ANK3: variants seen among roughly 807,000 people sequenced by gnomAD.
ANK3 encodes ankyrin-3.
In ANK3, 57 loss-of-function variants were observed where a neutral mutation model predicts 370.9. The observed-to-expected ratio is 0.15, with a 90% confidence interval of 0.12 to 0.19. ANK3 has a LOEUF of 0.19. Among genes scored for constraint, ANK3 ranks in the 10% least tolerant of loss-of-function variants. ANK3 has a pLI of 1.00. For missense variants in ANK3, 4,439 were observed against 5,302.1 expected (o/e 0.84, Z 5.06); for synonymous variants, 1,929 against 1,946.3 (o/e 0.99, Z 0.23).
chr10:60,392,183 T>C (rs2063125618), upstream of ANK3, among the ~76,000 whole-genome samples: 1 of 152,182 alleles, frequency 6.6e-6, no homozygotes, highest in African/African-American at 2.4e-5. Flanking sequence ...TGACTCAAGA[T>C]AGCCACAAAT....
chr10:60,455,371 T>C (rs2064720137), intron 2 of ANK3, among the ~76,000 whole-genome samples: 1 of 152,176 alleles, frequency 6.6e-6, no homozygotes, highest in African/African-American at 2.4e-5. Context: ...CACCCTCTTA[T>C]GTCAAGATAT....
At chr10:60,085,396 A>T (rs7084246) in intron 30 of ANK3, 143 bp from the exon 31 acceptor site, 30,989 of 492,268 alleles carry the variant, frequency 0.063, 1,532 homozygotes, top group African/African-American at 0.18. Context: ...TACTAAAGGT[A>T]GTTTTCCTCT....
At chr10:60,380,227 T>C (rs1314663512) in intron 1 of ANK3, among the ~76,000 whole-genome samples, 1 of 152,208 alleles carries the variant, frequency 6.6e-6, no homozygotes, top group Non-Finnish European at 1.5e-5. Context: ...CATCCCGTTC[T>C]GTAATGTTCT....
chr10:60,260,457 T>C (rs78486951), intron 7 of ANK3, among the ~76,000 whole-genome samples: 1,918 of 152,286 alleles, frequency 0.013, 47 homozygotes, highest in African/African-American at 0.044. Context: ...TCATTTCTCT[T>C]CTAAGAAGTG....
intron 1 of ANK3, among the ~76,000 whole-genome samples, chr10:60,721,146 G>T (rs1173404985): frequency 6.6e-6 from 1 of 152,216 alleles, no homozygotes; most frequent in Non-Finnish European, 1.5e-5. Context: ...TAAGCTGTGT[G>T]AAATGCCATG....
chr10:60,608,518 T>A (rs533787536), intron 2 of ANK3, among the ~76,000 whole-genome samples: 1 of 152,180 alleles, frequency 6.6e-6, no homozygotes, highest in African/African-American at 2.4e-5. Context: ...ACAGTATTTA[T>A]CATGTCAAAG....
chr10:60,565,254 C>T (rs1046785053), intron 2 of ANK3, among the ~76,000 whole-genome samples: 3 of 152,182 alleles, frequency 2.0e-5, no homozygotes, highest in African/African-American at 7.2e-5. Flanking sequence ...TGCCTCAGAT[C>T]ATCAGGCATT....
At chr10:60,356,521 G>C (rs1013953280) in intron 1 of ANK3, among the ~76,000 whole-genome samples, 5 of 152,128 alleles carry the variant, frequency 3.3e-5, no homozygotes, top group Admixed American at 6.6e-5. Context: ...AAAAATCCCT[G>C]TCTATCCAAC....
intron 2 of ANK3, among the ~76,000 whole-genome samples, chr10:60,455,300 AC>A (rs1215269217): frequency 6.6e-6 from 1 of 152,180 alleles, no homozygotes; most frequent in Non-Finnish European, 1.5e-5. Context: ...TTTGCAGAAT[AC>A]TGAAACATTC....
At chr10:60,656,673 C>T (rs1423761746) in intron 1 of ANK3, among the ~76,000 whole-genome samples, 1 of 152,168 alleles carries the variant, frequency 6.6e-6, no homozygotes, top group Non-Finnish European at 1.5e-5. Flanking sequence ...TCTGTAAGCA[C>T]TGCTTCAGCT....
intron 1 of ANK3, among the ~76,000 whole-genome samples, chr10:60,385,389 C>A (rs1038987383): frequency 4.0e-5 from 6 of 151,888 alleles, no homozygotes; most frequent in Admixed American, 3.9e-4. Flanking sequence ...TTTCTGTGGG[C>A]TCCTGGGGCT....
chr10:60,496,724 T>C (rs565652119), intron 2 of ANK3, among the ~76,000 whole-genome samples: 2 of 128,566 alleles, frequency 1.6e-5, no homozygotes, highest in South Asian at 5.9e-4. Flanking sequence ...TGCATAACTT[T>C]TTGAGACCGA....
intron 8 of ANK3, among the ~76,000 whole-genome samples, chr10:60,224,968 T>G (rs1287950349): frequency 2.0e-5 from 3 of 151,584 alleles, no homozygotes; most frequent in African/African-American, 4.8e-5. Context: ...GGCTGGAGTG[T>G]AATGGCACAA....
rs543312607 is a variant in ANK3 at position 60,314,253 on chromosome 10, C to T, written c.115-34614G>A. Among the ~76,000 whole-genome samples the T allele has an allele frequency of 9.1e-4, 138 of 152,286 alleles. 1 individual carries two copies. The highest frequency in any genetic ancestry group is 2.9e-3 in the African/African-American group (120 of 41,562). Reference sequence around the variant, plus strand: ...TAATGCTAATGCTATTAACTGAACACGGACAATATATTCCAGGCACTGCAC... The same window carrying T: ...TAATGCTAATGCTATTAACTGAACATGGACAATATATTCCAGGCACTGCAC... On this transcript the variant is annotated intron_variant, in intron 1 of 43. Coordinates refer to ENST00000280772, the MANE Select transcript of ANK3 (RefSeq NM_020987.5).
intron 1 of ANK3, among the ~76,000 whole-genome samples, chr10:60,719,905 CT>C (rs2079840105): frequency 1.3e-5 from 2 of 152,270 alleles, no homozygotes; most frequent in South Asian, 4.1e-4. Flanking sequence ...TCACTGGAAT[CT>C]TCATAGACTT....
At chr10:60,574,542 C>T (rs1442549) in intron 2 of ANK3, among the ~76,000 whole-genome samples, 103,411 of 151,910 alleles carry the variant, frequency 0.68, 35,846 homozygotes, top group South Asian at 0.88. Flanking sequence ...ATATAAAAGG[C>T]AGAACATCTC....
At chr10:60,416,640 T>C (rs906375536) in intron 2 of ANK3, among the ~76,000 whole-genome samples, 2 of 152,206 alleles carry the variant, frequency 1.3e-5, no homozygotes, top group East Asian at 1.9e-4. Flanking sequence ...ATAGAAGCCA[T>C]CTAAGGCTAT....
At chr10:60,296,914 A>C (rs1256878322) in intron 1 of ANK3, among the ~76,000 whole-genome samples, 1 of 152,242 alleles carries the variant, frequency 6.6e-6, no homozygotes, top group Non-Finnish European at 1.5e-5. Context: ...TGGGAGTTCA[A>C]GGCTGCAGTG....
chr10:60,192,960 T>C (rs767605999), intron 16 of ANK3, among the ~76,000 whole-genome samples: 6 of 148,448 alleles, frequency 4.0e-5, no homozygotes, highest in Non-Finnish European at 8.9e-5. Context: ...CCATTGTAGC[T>C]AGGACTTTTT....
Sources: allele counts gnomAD v4.1 joint callset (sites outside exome capture counted in the v4.1 genomes callset), GRCh38; gene constraint gnomAD v4.1.1; transcripts MANE v1.5; gene names NCBI Gene and HGNC (gene_info 2026-07-23, HGNC 2026-07-21).